The following SUMF1 variants were observed in gnomAD, a reference collection of about 807,000 sequenced individuals.
SUMF1 encodes sulfatase modifying factor 1, also known as formylglycine-generating enzyme.
Under a neutral mutation model 47.6 loss-of-function variants are expected in SUMF1, and 48 were observed. That is an observed-to-expected ratio of 1.01 (90% confidence interval 0.80 to 1.28). The LOEUF is 1.28. Ranked by LOEUF, SUMF1 falls within the 50% of genes most tolerant of loss-of-function variation. The pLI is 0.00. For synonymous variants in SUMF1, 230 were observed against 192.1 expected (o/e 1.20, Z -1.63); for missense variants, 571 against 485.4 (o/e 1.18, Z -1.66).
intron 8 of SUMF1, among the ~76,000 whole-genome samples, chr3:4,186,429 T>A: frequency 6.6e-6 from 1 of 152,284 alleles, no homozygotes; most frequent in East Asian, 1.9e-4. Flanking sequence ...CAGTGGCTTA[T>A]CATAATATGC....
At chr3:4,128,514 T>C (rs562265346) in intron 8 of SUMF1, among the ~76,000 whole-genome samples, 4 of 152,254 alleles carry the variant, frequency 2.6e-5, no homozygotes, top group African/African-American at 4.8e-5. Flanking sequence ...GGCAACAGTG[T>C]TGGCCTCCCC....
chr3:4,174,026 G>T (rs768203811), intron 8 of SUMF1, among the ~76,000 whole-genome samples: 1 of 152,232 alleles, frequency 6.6e-6, no homozygotes, highest in East Asian at 1.9e-4. Flanking sequence ...GATTTACCCA[G>T]AATCATGTAA....
intron 8 of SUMF1, among the ~76,000 whole-genome samples, chr3:4,268,136 A>T (rs1697233502): frequency 6.6e-6 from 1 of 152,218 alleles, no homozygotes; most frequent in South Asian, 2.1e-4. Flanking sequence ...TATGTCAAGA[A>T]CAAAAAACCA....
At chr3:4,133,500 A>C (rs1025704715) in intron 8 of SUMF1, among the ~76,000 whole-genome samples, 5 of 152,082 alleles carry the variant, frequency 3.3e-5, no homozygotes, top group Non-Finnish European at 7.4e-5. Context: ...GGTGTTGCTG[A>C]AGGAGATTAA....
At chr3:4,144,148 G>A (rs990053592) in intron 8 of SUMF1, among the ~76,000 whole-genome samples, 9 of 151,422 alleles carry the variant, frequency 5.9e-5, no homozygotes, top group East Asian at 1.9e-4. Flanking sequence ...TTATTTTTTC[G>A]TAGAGACGGG....
intron 8 of SUMF1, among the ~76,000 whole-genome samples, chr3:4,169,990 A>G (rs1443861465): frequency 6.6e-6 from 1 of 152,184 alleles, no homozygotes; most frequent in Non-Finnish European, 1.5e-5. Context: ...GAATGAGACA[A>G]ATGCCAAGCA....
At chr3:4,092,729 T>C (rs1692815462) in intron 8 of SUMF1, among the ~76,000 whole-genome samples, 1 of 151,414 alleles carries the variant, frequency 6.6e-6, no homozygotes, top group Non-Finnish European at 1.5e-5. Context: ...GGGGGTGGAG[T>C]AGTGTGTCAT....
chr3:4,410,594 G>A (rs1433300279), intron 7 of SUMF1, among the ~76,000 whole-genome samples: 1 of 152,094 alleles, frequency 6.6e-6, no homozygotes, highest in Non-Finnish European at 1.5e-5. Context: ...AAATTTACGA[G>A]ACTGAATACA....
At position 4,391,788 on chromosome 3, in the gene SUMF1, T is replaced by G. The variant is rs572070415; in HGVS notation, c.955-15399A>C. 1.3e-4 allele frequency among the ~76,000 whole-genome samples: 20 copies of G among 152,100 alleles called. No homozygotes were observed. In the South Asian group the frequency reaches 3.9e-3, roughly 30 times the overall value. ...ATGGGCCACCATGCCCAGCCCTCTCTGCTCATTGGTTTGGATAATTCCTTT... is the reference window on the plus strand; with the variant it reads ...ATGGGCCACCATGCCCAGCCCTCTCGGCTCATTGGTTTGGATAATTCCTTT... On this transcript the variant is annotated intron_variant, in intron 7 of 8. Coordinates refer to ENST00000272902, the MANE Select transcript of SUMF1 (RefSeq NM_182760.4).
intron 8 of SUMF1, among the ~76,000 whole-genome samples, chr3:4,222,438 C>G (rs1226404478): frequency 6.6e-6 from 1 of 151,990 alleles, no homozygotes; most frequent in Non-Finnish European, 1.5e-5. Context: ...AGTTCTTTCA[C>G]TCACACAACC....
At chr3:4,382,403 G>A (rs77682364) in intron 7 of SUMF1, among the ~76,000 whole-genome samples, 4,848 of 151,818 alleles carry the variant, frequency 0.032, 259 homozygotes, top group African/African-American at 0.11. Context: ...TCTAAACAAA[G>A]ATTGTAGGAA....
chr3:4,449,394 A>G lies in SUMF1; in HGVS notation c.445-54T>C. 3.2e-6 allele frequency: 5 copies of G among 1,550,500 alleles called. No homozygotes were observed. In the South Asian group the frequency reaches 4.5e-5, roughly 14 times the overall value. On this transcript the variant is annotated intron_variant, in intron 2 of 8. Transcript: ENST00000272902. ...AGAAAAGGTTGTAGTAATGTGTTGCATGTGTGCCCTTTTCTCTCCACACTA... is the reference window on the plus strand; with the variant it reads ...AGAAAAGGTTGTAGTAATGTGTTGCGTGTGTGCCCTTTTCTCTCCACACTA...
chr3:4,115,337 G>A (rs1013352189), intron 8 of SUMF1, among the ~76,000 whole-genome samples: 1 of 152,048 alleles, frequency 6.6e-6, no homozygotes, highest in Non-Finnish European at 1.5e-5. Context: ...CCAAGCCCGC[G>A]TGTGATCCGA....
At chr3:4,189,840 C>G (rs1244359615) in intron 8 of SUMF1, among the ~76,000 whole-genome samples, 2 of 152,148 alleles carry the variant, frequency 1.3e-5, no homozygotes, top group Non-Finnish European at 2.9e-5. Flanking sequence ...GACTATGTGC[C>G]TATTCTTTTG....
At chr3:4,147,743 G>A (rs1423328327) in intron 8 of SUMF1, among the ~76,000 whole-genome samples, 1 of 152,064 alleles carries the variant, frequency 6.6e-6, no homozygotes, top group Non-Finnish European at 1.5e-5. Flanking sequence ...CAGATAAAAA[G>A]AACTACCTAC....
chr3:4,240,374 G>A lies in SUMF1; in HGVS notation c.1014+135956C>T, dbSNP rs1265570242. On this transcript the variant is annotated intron_variant and NMD_transcript_variant, in intron 8 of 12. Coordinates refer to the SUMF1 transcript ENST00000448413. The stretch of plus-strand genomic sequence containing the variant: ...TTTGTACCTCTGGTAGAATTCAGGT[G>A]TGAATCCATCTGGTCCTGGGCGTTT... Among the ~76,000 whole-genome samples the A allele has an allele frequency of 1.2e-4, 18 of 152,174 alleles. No individual in the cohort carries two copies. The South Asian group carries it at 2.7e-3, about 23-fold the overall frequency.
rs141804916 is a variant in SUMF1, at chr3:4,080,709, A to G, written c.1015-11964T>C. ...GCAGGAACCAATAAAAGAATACAAT[A>G]TAAAACACATATTTGTACTAGATAA... On this transcript the variant is annotated intron_variant and NMD_transcript_variant, in intron 8 of 12. Transcript: ENST00000448413. Among the ~76,000 whole-genome samples, 293 of 152,300 alleles carry G rather than the reference A, an allele frequency of 1.9e-3. 1 individual carries two copies. The highest frequency in any genetic ancestry group is 3.3e-3 in the Non-Finnish European group (222 of 68,016).
chr3:4,211,779 G>T (rs1207493310), intron 8 of SUMF1, among the ~76,000 whole-genome samples: 1 of 152,160 alleles, frequency 6.6e-6, no homozygotes, highest in Non-Finnish European at 1.5e-5. Context: ...TTAGCAAGGA[G>T]TAGGTGGTTT....
intron 8 of SUMF1, among the ~76,000 whole-genome samples, chr3:4,188,064 C>T (rs996992284): frequency 1.3e-5 from 2 of 152,082 alleles, no homozygotes; most frequent in African/African-American, 4.8e-5. Flanking sequence ...TACACACATG[C>T]TCTTAGCTTC....
Sources: gnomAD v4.1 joint callset for allele counts (sites outside exome capture counted in the v4.1 genomes callset) on GRCh38, gnomAD v4.1.1 for gene constraint, MANE v1.5 for transcripts, NCBI Gene and HGNC (gene_info 2026-07-23, HGNC 2026-07-21) for gene names.